Variants in SORCS1 observed in about 807,000 individuals in gnomAD.
The protein encoded by SORCS1 is VPS10 domain-containing receptor SorCS1.
A neutral mutation model predicts 146.1 loss-of-function variants in SORCS1; 60 were observed. That is an observed-to-expected ratio of 0.41 (90% CI 0.33 to 0.51). SORCS1 has a LOEUF of 0.51. Ranked by LOEUF, SORCS1 falls within the 20% of genes least tolerant of loss-of-function variation. The pLI is 0.21. For missense variants in SORCS1, 1,352 were observed against 1,487.6 expected (o/e 0.91, Z 1.50); for synonymous variants, 637 against 584.0 (o/e 1.09, Z -1.31).
At position 106,877,857 on chromosome 10, in the gene SORCS1, C is replaced by G. The variant is rs189745778; in HGVS notation, c.627-48184G>C. ...AAAGCAGGCAGATTCTTCCATAATA[C>G]CTGGCAGGGTATTCTTACAGACATA... On this transcript the variant is annotated intron_variant, in intron 2 of 25. Coordinates refer to ENST00000263054, the MANE Select transcript of SORCS1 (RefSeq NM_052918.5). Among the ~76,000 whole-genome samples, 5 of 152,168 alleles carry G rather than the reference C, an allele frequency of 3.3e-5. No homozygotes were observed. The East Asian group carries it at 9.7e-4, about 29-fold the overall frequency.
At chr10:106,591,208 C>T (rs1845584983) in intron 24 of SORCS1, among the ~76,000 whole-genome samples, 1 of 152,150 alleles carries the variant, frequency 6.6e-6, no homozygotes, top group African/African-American at 2.4e-5. Context: ...TGGTAACAGT[C>T]GCCTGCCAGT....
At chr10:106,890,060 C>G (rs182993582) in intron 2 of SORCS1, among the ~76,000 whole-genome samples, 88 of 152,142 alleles carry the variant, frequency 5.8e-4, no homozygotes, top group African/African-American at 2.0e-3. Context: ...TGTAAAAATA[C>G]AGACTTCTGG....
At chr10:106,804,937 G>A (rs150053512) in intron 3 of SORCS1, among the ~76,000 whole-genome samples, 16 of 152,280 alleles carry the variant, frequency 1.1e-4, no homozygotes, top group African/African-American at 3.8e-4. Context: ...TGGTTATTCA[G>A]TATTTTCAGA....
intron 1 of SORCS1, among the ~76,000 whole-genome samples, chr10:106,964,470 ATATTTTATTT>A (rs60186199): frequency 0.68 from 101,662 of 149,842 alleles, 34,604 homozygotes; most frequent in East Asian, 0.71. Flanking sequence ...TGCCTGGCTA[ATATTTTATTT>A]TATTTTATTT....
At chr10:106,962,765 A>G (rs999336412) in intron 1 of SORCS1, among the ~76,000 whole-genome samples, 8 of 152,174 alleles carry the variant, frequency 5.3e-5, no homozygotes, top group African/African-American at 1.9e-4. Flanking sequence ...ACTAATGGTC[A>G]TAATTGCTCT....
intron 18 of SORCS1, among the ~76,000 whole-genome samples, chr10:106,630,525 C>T (rs4918243): frequency 0.75 from 114,375 of 152,020 alleles, 44,338 homozygotes; most frequent in Non-Finnish European, 0.85. Flanking sequence ...GTAATCAAGG[C>T]TCCCCTGGCA....
intron 2 of SORCS1, among the ~76,000 whole-genome samples, chr10:106,841,924 A>C (rs746090947): frequency 5.9e-5 from 9 of 152,074 alleles, no homozygotes; most frequent in Non-Finnish European, 1.2e-4. Flanking sequence ...CATGTTTTCA[A>C]CTCCTTTGGG....
chr10:106,891,461 C>G (rs1056809553), intron 2 of SORCS1, among the ~76,000 whole-genome samples: 1 of 147,178 alleles, frequency 6.8e-6, no homozygotes, highest in East Asian at 2.0e-4. Flanking sequence ...TTCTCTTGAC[C>G]TATGTCAAGA....
chr10:106,794,783 G>A (rs151278059), intron 3 of SORCS1, among the ~76,000 whole-genome samples: 3,390 of 152,170 alleles, frequency 0.022, 63 homozygotes, highest in Admixed American at 0.06. Flanking sequence ...GATTACAGGC[G>A]TGAGCCACCA....
chr10:107,141,801 G>A (rs1967867348), intron 1 of SORCS1, among the ~76,000 whole-genome samples: 1 of 152,174 alleles, frequency 6.6e-6, no homozygotes, highest in Non-Finnish European at 1.5e-5. Flanking sequence ...AGTATGTCCT[G>A]CACACAGGGA....
intron 7 of SORCS1, 111 bp downstream of exon 7, chr10:106,709,112 C>G: frequency 1.3e-6 from 1 of 756,480 alleles, no homozygotes. Flanking sequence ...CTCCTTCCCT[C>G]CCTCCCATCC....
rs922206563 is a variant in SORCS1 at position 107,084,349 on chromosome 10, C to T, written c.558+79620G>A. On this transcript the variant is annotated intron_variant, in intron 1 of 25. Transcript: ENST00000263054. ...CCATCTGCTGACCTCGTGATCCGCC[C>T]GCCTCAGCCTCCCAAAGTGCTGGGA... Among the ~76,000 whole-genome samples, 9 of 151,464 alleles carry T rather than the reference C, an allele frequency of 5.9e-5. No homozygotes were observed. The South Asian group carries it at 8.4e-4, about 14-fold the overall frequency.
chr10:106,613,568 C>T (rs1353174923), intron 21 of SORCS1, among the ~76,000 whole-genome samples: 2 of 152,154 alleles, frequency 1.3e-5, no homozygotes, highest in East Asian at 1.9e-4. Context: ...CTTCAGAGCA[C>T]AGCACTGGTG....
chr10:107,119,382 G>T (rs1283246703), intron 1 of SORCS1, among the ~76,000 whole-genome samples: 1 of 152,186 alleles, frequency 6.6e-6, no homozygotes, highest in Admixed American at 6.5e-5. Flanking sequence ...AAAGGCTATG[G>T]TTTGTATATA....
intron 3 of SORCS1, among the ~76,000 whole-genome samples, chr10:106,813,747 C>G (rs1303686131): frequency 6.6e-6 from 1 of 151,984 alleles, no homozygotes; most frequent in Non-Finnish European, 1.5e-5. Context: ...CTAGCCTGGG[C>G]AACATAGGGA....
At chr10:106,933,183 A>T (rs1953506458) in intron 2 of SORCS1, among the ~76,000 whole-genome samples, 1 of 152,234 alleles carries the variant, frequency 6.6e-6, no homozygotes, top group African/African-American at 2.4e-5. Flanking sequence ...GGTATCAGCA[A>T]CACTAATGAG....
chr10:106,930,237 G>A (rs952773765), intron 2 of SORCS1, among the ~76,000 whole-genome samples: 1 of 151,870 alleles, frequency 6.6e-6, no homozygotes, highest in Non-Finnish European at 1.5e-5. Context: ...AGCCGAGATC[G>A]TGCCACTGCA....
intron 6 of SORCS1, among the ~76,000 whole-genome samples, chr10:106,711,568 C>A (rs920960618): frequency 1.3e-5 from 2 of 152,198 alleles, no homozygotes; most frequent in African/African-American, 4.8e-5. Flanking sequence ...TTTCTGATAA[C>A]CTCTCAGTAG....
At chr10:106,855,366 G>T (rs1229007419) in intron 2 of SORCS1, among the ~76,000 whole-genome samples, 3 of 152,080 alleles carry the variant, frequency 2.0e-5, no homozygotes, top group Non-Finnish European at 2.9e-5. Context: ...TTTTGTGGTT[G>T]TTGCTTTGTT....
Sources: gnomAD v4.1 joint callset for allele counts (sites outside exome capture counted in the v4.1 genomes callset) on GRCh38, gnomAD v4.1.1 for gene constraint, MANE v1.5 for transcripts, NCBI Gene and HGNC (gene_info 2026-07-23, HGNC 2026-07-21) for gene names.